Variants in BANP observed in about 807,000 individuals in gnomAD.
BANP encodes protein BANP.
In BANP, 11 loss-of-function variants were observed where a neutral mutation model predicts 68.1. That is an observed-to-expected ratio of 0.16 (90% CI 0.10 to 0.27). BANP has a LOEUF of 0.27. Ranked by LOEUF, BANP falls within the 10% of genes least tolerant of loss-of-function variation. The probability of loss-of-function intolerance (pLI) is 1.00; values close to 1 mark genes in which losing one functional copy is unlikely to be tolerated. For synonymous variants in BANP, 329 were observed against 303.2 expected, an observed-to-expected ratio of 1.09 and a Z score of -0.88; for missense variants, 504 against 722.7, an observed-to-expected ratio of 0.70 and a Z score of 3.47.
At chr16:88,062,011 A>G in intron 11 of BANP, among the ~76,000 whole-genome samples, 1 of 152,168 alleles carries the variant, frequency 6.6e-6, no homozygotes, top group Middle Eastern at 3.2e-3. Context: ...GAACATCTAG[A>G]TTTGAAAAAG....
At chr16:87,953,906 C>T (rs1415699522) in intron 1 of BANP, among the ~76,000 whole-genome samples, 1 of 152,204 alleles carries the variant, frequency 6.6e-6, no homozygotes, top group Non-Finnish European at 1.5e-5. Flanking sequence ...GAACCTCTGG[C>T]AAGTGCTCTT....
At chr16:87,952,980 G>T (rs757776218) in intron 1 of BANP, among the ~76,000 whole-genome samples, 1 of 152,120 alleles carries the variant, frequency 6.6e-6, no homozygotes, top group African/African-American at 2.4e-5. Context: ...TTGTTGTCCA[G>T]CCTGGGGCTT....
At position 88,002,976 on chromosome 16, in the gene BANP, G is replaced by A. The variant is rs899557887; in HGVS notation, c.363-1319G>A. ...CCACATGCTGTGAGCCTAGGATCCCGGGGCCACCAGTGTTCCATAGCCTCC... is the reference window on the plus strand; with the variant it reads ...CCACATGCTGTGAGCCTAGGATCCCAGGGCCACCAGTGTTCCATAGCCTCC... On this transcript the variant is annotated intron_variant, in intron 4 of 13. Coordinates refer to ENST00000682872, the MANE Select transcript of BANP (RefSeq NM_001386991.1). This position sits in a 1 kb window ranked among gnomAD's most constrained non-coding sequence, Gnocchi z 4.6. 2.6e-5 allele frequency among the ~76,000 whole-genome samples: 4 copies of A among 152,030 alleles called. No homozygotes were observed. Among genetic ancestry groups the A allele is most frequent in the African/African-American group, 9.7e-5 (4 of 41,388 alleles).
chr16:88,005,280 C>T (rs1284993051), intron 5 of BANP, among the ~76,000 whole-genome samples: 2 of 152,168 alleles, frequency 1.3e-5, no homozygotes, highest in East Asian at 1.9e-4. Flanking sequence ...TCAGGTTCAG[C>T]GTGGACAGCG....
chr16:88,023,153 G>A (rs527436131), intron 7 of BANP, among the ~76,000 whole-genome samples: 20 of 152,300 alleles, frequency 1.3e-4, no homozygotes, highest in African/African-American at 2.9e-4. Context: ...AGCGCCTCAC[G>A]GTGACTGAGA....
chr16:88,050,030 G>A (rs958804681), intron 11 of BANP, among the ~76,000 whole-genome samples: 3 of 152,292 alleles, frequency 2.0e-5, no homozygotes, highest in African/African-American at 4.8e-5. Context: ...GGGCGTGGCC[G>A]GCTGGTGAGC....
At chr16:88,044,929 C>T (rs993382583) in intron 11 of BANP, among the ~76,000 whole-genome samples, 4 of 152,136 alleles carry the variant, frequency 2.6e-5, no homozygotes, top group African/African-American at 4.8e-5. Context: ...TTGCATTGAG[C>T]TGAGATCGCG....
chr16:88,014,249 G>A (rs1464358688), intron 6 of BANP, among the ~76,000 whole-genome samples: 1 of 152,204 alleles, frequency 6.6e-6, no homozygotes, highest in Admixed American at 6.5e-5. Flanking sequence ...GGGGTGGAGG[G>A]CACGGCCAGC....
chr16:87,967,254 C>CTTTTTT (rs573550962), intron 1 of BANP, among the ~76,000 whole-genome samples: 2 of 106,978 alleles, frequency 1.9e-5, no homozygotes, highest in Non-Finnish European at 3.7e-5. Flanking sequence ...GGAAAAGGTT[C>CTTTTTT]TTTTTTTTTT....
At chr16:88,006,453 C>T (rs1274236271) in intron 6 of BANP, among the ~76,000 whole-genome samples, 188 bp downstream of exon 6, 1 of 150,436 alleles carries the variant, frequency 6.6e-6, no homozygotes, top group African/African-American at 2.5e-5. Context: ...TCGAGACCAG[C>T]CTGGCCAACA....
chr16:88,049,473 G>A (rs1308544475), intron 11 of BANP, among the ~76,000 whole-genome samples: 2 of 152,058 alleles, frequency 1.3e-5, no homozygotes, highest in Non-Finnish European at 2.9e-5. Flanking sequence ...GGGTTTTTAT[G>A]GAAACTTCGT....
intron 6 of BANP, among the ~76,000 whole-genome samples, chr16:88,011,767 C>T (rs114509695): frequency 5.3e-5 from 8 of 152,178 alleles, no homozygotes; most frequent in Non-Finnish European, 8.8e-5. Context: ...TCAAAGTTGT[C>T]CTCCAGGAGT....
chr16:87,996,642 G>C (rs1482393422), intron 4 of BANP, among the ~76,000 whole-genome samples: 1 of 151,514 alleles, frequency 6.6e-6, no homozygotes, highest in Non-Finnish European at 1.5e-5. Flanking sequence ...CCTCGTCCTG[G>C]GCGCCAGCTG....
At chr16:87,980,213 C>T (rs550446743) in intron 2 of BANP, among the ~76,000 whole-genome samples, 1 of 152,326 alleles carries the variant, frequency 6.6e-6, no homozygotes, top group Admixed American at 6.5e-5. Flanking sequence ...TGACCTTGAA[C>T]TTCTATCTAT....
At chr16:88,030,958 C>G (rs918219139) in intron 8 of BANP, among the ~76,000 whole-genome samples, 3 of 152,218 alleles carry the variant, frequency 2.0e-5, no homozygotes, top group African/African-American at 7.2e-5. Context: ...AGAAGTAGCG[C>G]ATAAGTAAAG....
intron 1 of BANP, among the ~76,000 whole-genome samples, chr16:87,960,301 C>G (rs2058905708): frequency 6.6e-6 from 1 of 152,136 alleles, no homozygotes; most frequent in African/African-American, 2.4e-5. Flanking sequence ...GATGGTGGAT[C>G]TGGACCCAGA....
At chr16:88,061,743 G>A (rs577285443) in intron 11 of BANP, among the ~76,000 whole-genome samples, 116 of 151,190 alleles carry the variant, frequency 7.7e-4, no homozygotes, top group African/African-American at 2.6e-3. Context: ...TCGGCTCACC[G>A]CAACCTCTGC....
intron 12 of BANP, among the ~76,000 whole-genome samples, chr16:88,068,324 C>G (rs12931579): frequency 0.26 from 39,733 of 152,208 alleles, 6,545 homozygotes; most frequent in Non-Finnish European, 0.38. Flanking sequence ...CCTGTGCTGT[C>G]GTGGAGTGCA....
chr16:88,023,254 A>T (rs1368209706), intron 7 of BANP, among the ~76,000 whole-genome samples: 1 of 152,222 alleles, frequency 6.6e-6, no homozygotes, highest in Non-Finnish European at 1.5e-5. Flanking sequence ...TGTGACCTGG[A>T]GGTGGTCCTG....
Sources: allele counts gnomAD v4.1 joint callset (sites outside exome capture counted in the v4.1 genomes callset), GRCh38; gene constraint gnomAD v4.1.1; non-coding constraint Gnocchi (gnomAD v3.1); transcripts MANE v1.5; gene names NCBI Gene and HGNC (gene_info 2026-07-23, HGNC 2026-07-21).